The following DYNLRB1 variants were observed in gnomAD, a reference collection of about 807,000 sequenced individuals.
The protein encoded by DYNLRB1 is ROBL/LC7-like 1.
In DYNLRB1, 6 loss-of-function variants were observed where a neutral mutation model predicts 13.5. The ratio of observed to expected loss-of-function variants is 0.44; its 90% CI spans 0.24 to 0.88. The LOEUF (loss-of-function observed/expected upper bound fraction) is 0.88, where lower values mean the gene tolerates loss of function less well. Ranked by LOEUF, DYNLRB1 falls within the 40% of genes least tolerant of loss-of-function variation. DYNLRB1 has a pLI of 0.21. For synonymous variants in DYNLRB1, 43 were observed against 45.0 expected, an observed-to-expected ratio of 0.96 and a Z score of 0.18; for missense variants, 93 against 127.2, an observed-to-expected ratio of 0.73 and a Z score of 1.29.
chr20:34,526,535 G>A (rs750261309), intron 2 of DYNLRB1, 192 bp downstream of exon 2: 9 of 565,982 alleles, frequency 1.6e-5, no homozygotes, highest in Admixed American at 3.3e-5. Flanking sequence ...TGAAGCAGCG[G>A]GAGTGGAGAA....
intron 3 of DYNLRB1, chr20:34,536,139 CTAT>C: frequency 1.0e-6 from 1 of 985,440 alleles, no homozygotes; most frequent in Non-Finnish European, 1.2e-6. Flanking sequence ...ACTCCAGAGT[CTAT>C]TATTCCAAAA....
intron 1 of DYNLRB1, among the ~76,000 whole-genome samples, chr20:34,525,179 A>AT (rs1265871935): frequency 4.0e-4 from 59 of 148,936 alleles, no homozygotes; most frequent in African/African-American, 1.4e-3. Flanking sequence ...AGTGTTGAGG[A>AT]TCCCCCCCCC....
chr20:34,518,826 A>C (rs1279376516), intron 1 of DYNLRB1, among the ~76,000 whole-genome samples: 1 of 152,056 alleles, frequency 6.6e-6, no homozygotes, highest in African/African-American at 2.4e-5. Flanking sequence ...AGCTTTCTAG[A>C]ACCTGTATTA....
intron 1 of DYNLRB1, among the ~76,000 whole-genome samples, chr20:34,521,260 C>T (rs1257068504): frequency 6.6e-6 from 1 of 152,160 alleles, no homozygotes; most frequent in Non-Finnish European, 1.5e-5. Flanking sequence ...GATTCACCCA[C>T]CTCAGTTTCC....
chr20:34,518,300 C>G (rs902748117), intron 1 of DYNLRB1, among the ~76,000 whole-genome samples: 2 of 151,970 alleles, frequency 1.3e-5, no homozygotes, highest in African/African-American at 4.8e-5. Context: ...AGTGTGATAC[C>G]TCAAGCTTTG....
At position 34,533,219 on chromosome 20, in the gene DYNLRB1, G is replaced by A. The variant is rs181460336; in HGVS notation, c.80-1409G>A. Among the ~76,000 whole-genome samples the A allele has an allele frequency of 5.9e-5, 9 of 152,284 alleles. No individual in the cohort carries two copies. In the East Asian group the frequency reaches 1.4e-3, roughly 23 times the overall value. ...TCCTCAAACAAAAGGCTTGGTATAC[G>A]GTGATGTTCACTGCCCAGTTAATTA... is the stretch of plus-strand genomic sequence containing the variant. On this transcript the variant is annotated intron_variant, in intron 2 of 3. Coordinates refer to ENST00000357156, the MANE Select transcript of DYNLRB1 (RefSeq NM_014183.4).
intron 1 of DYNLRB1, among the ~76,000 whole-genome samples, chr20:34,522,479 T>TTTC (rs1979827600): frequency 7.2e-6 from 1 of 138,366 alleles, no homozygotes; most frequent in Non-Finnish European, 1.6e-5. Context: ...CTTTTTTTTT[T>TTTC]TTTTTTTTTT....
chr20:34,530,055 T>C, intron 2 of DYNLRB1: 1 of 1,247,718 alleles, frequency 8.0e-7, no homozygotes, highest in Non-Finnish European at 1.0e-6. Flanking sequence ...AGAGAAACTG[T>C]CTTCTGGGAC....
At chr20:34,521,344 A>G (rs2146616809) in intron 1 of DYNLRB1, among the ~76,000 whole-genome samples, 1 of 152,184 alleles carries the variant, frequency 6.6e-6, no homozygotes, top group African/African-American at 2.4e-5. Flanking sequence ...GATGATGACC[A>G]TGGTTTGATG....
intron 2 of DYNLRB1, among the ~76,000 whole-genome samples, chr20:34,532,508 C>T (rs1159006858): frequency 6.6e-6 from 1 of 152,126 alleles, no homozygotes; most frequent in African/African-American, 2.4e-5. Flanking sequence ...TTTCTTAGGC[C>T]CCCAGGAATG....
rs1310107958 is a variant in DYNLRB1 at position 34,528,106 on chromosome 20, A to T, written c.79+1763A>T. On this transcript the variant is annotated intron_variant, in intron 2 of 3. Transcript: ENST00000357156. ...GGCGGGCGGATCACGAGGTCAGGAG[A>T]TCGAGACCATCCCGGCTAAAACGGT... Among the ~76,000 whole-genome samples, 2 of 44,928 alleles carry T rather than the reference A, an allele frequency of 4.5e-5. 1 individual carries two copies. The highest frequency in any genetic ancestry group is 1.0e-4 in the Non-Finnish European group (2 of 19,524). The allele number at this position is 44,928 out of a possible 152,430, so 29.5% of individuals were successfully genotyped here.
In DYNLRB1 at chr20:34,540,633, C is replaced by G. The variant is rs372844949; in HGVS notation, c.*9C>G. On this transcript the variant is annotated 3_prime_UTR_variant, in exon 4 of 4. Coordinates refer to ENST00000357156, the MANE Select transcript of DYNLRB1 (RefSeq NM_014183.4). ...AGAATCCAACCGAATAAGCCACTCT[C>G]TTGGCTCCCTGTGTCATTCCTTAAT... 6.2e-7 allele frequency: 1 copy of G among 1,613,492 alleles called. No individual in the cohort carries two copies. Among genetic ancestry groups the G allele is most frequent in the Non-Finnish European group, 8.5e-7 (1 of 1,179,608 alleles).
At chr20:34,533,863 G>A (rs1980904037) in intron 2 of DYNLRB1, among the ~76,000 whole-genome samples, 2 of 151,788 alleles carry the variant, frequency 1.3e-5, no homozygotes, top group Non-Finnish European at 2.9e-5. Flanking sequence ...AAGGCAGGGT[G>A]CGATGGCTCA....
At chr20:34,532,482 A>ACTGG (rs1044717893) in intron 2 of DYNLRB1, among the ~76,000 whole-genome samples, 9 of 152,152 alleles carry the variant, frequency 5.9e-5, no homozygotes, top group African/African-American at 2.2e-4. Context: ...GTGGCAAGAA[A>ACTGG]CTGGCCCAGT....
intron 2 of DYNLRB1, chr20:34,530,463 C>CCAGG: frequency 5.2e-6 from 1 of 192,916 alleles, no homozygotes; most frequent in Non-Finnish European, 9.5e-6. Context: ...GCATGAAATG[C>CCAGG]CTATGAATGT....
At chr20:34,523,180 C>T (rs1173661698) in intron 1 of DYNLRB1, among the ~76,000 whole-genome samples, 1 of 152,104 alleles carries the variant, frequency 6.6e-6, no homozygotes, top group African/African-American at 2.4e-5. Flanking sequence ...GAGGTAGTTA[C>T]ATCAAGCAGT....
At chr20:34,516,744 G>A in intron 1 of DYNLRB1, 1 of 1,547,810 alleles carries the variant, frequency 6.5e-7, no homozygotes, top group Non-Finnish European at 8.7e-7. Flanking sequence ...CGGCGGCCCT[G>A]CAGCCTAGAG....
chr20:34,516,427 T>C lies in DYNLRB1; in HGVS notation c.-32T>C, dbSNP rs770590743. ...AGAAAGGCACAGGACTCGCTAAGTG[T>C]TCGCTACGCGGGGCTACCGGATCGG... is the stretch of plus-strand genomic sequence containing the variant. On this transcript the variant is annotated 5_prime_UTR_variant, in exon 1 of 4. Transcript: ENST00000357156. 1 of 1,612,530 alleles carries C rather than the reference T, an allele frequency of 6.2e-7. No individual in the cohort carries two copies. Among genetic ancestry groups the C allele is most frequent in the Non-Finnish European group, 8.5e-7 (1 of 1,179,132 alleles).
chr20:34,529,358 G>A (rs1980516850), intron 2 of DYNLRB1, among the ~76,000 whole-genome samples: 2 of 152,210 alleles, frequency 1.3e-5, no homozygotes, highest in Admixed American at 1.3e-4. Flanking sequence ...GAGAAGCAGA[G>A]TTCTCAGCAA....
Sources: allele counts gnomAD v4.1 joint callset (sites outside exome capture counted in the v4.1 genomes callset), GRCh38; gene constraint gnomAD v4.1.1; transcripts MANE v1.5; gene names NCBI Gene and HGNC (gene_info 2026-07-23, HGNC 2026-07-21).